Variants in CSMD1 observed in about 807,000 individuals in gnomAD.
CSMD1 encodes CUB and Sushi multiple domains 1.
In CSMD1, 213 loss-of-function variants were observed where a neutral mutation model predicts 417.5. That is an observed-to-expected ratio of 0.51 (90% CI 0.46 to 0.57). The LOEUF (loss-of-function observed/expected upper bound fraction) is 0.57. CSMD1 is among the 20% of genes least tolerant of loss of function. The probability of loss-of-function intolerance (pLI) is 0.00; values close to 1 mark genes in which losing one functional copy is unlikely to be tolerated. For synonymous variants in CSMD1, 2,862 were observed against 1,736.8 expected (o/e 1.65, Z -16.11); for missense variants, 6,923 against 4,529.7 (o/e 1.53, Z -15.17).
At chr8:3,056,086 A>C (rs929220429) in intron 49 of CSMD1, among the ~76,000 whole-genome samples, 2 of 152,202 alleles carry the variant, frequency 1.3e-5, no homozygotes, top group Non-Finnish European at 2.9e-5. Flanking sequence ...ATTTTTACTT[A>C]TTTATTTGCA....
intron 3 of CSMD1, among the ~76,000 whole-genome samples, chr8:4,128,092 G>C (rs1390198670): frequency 6.6e-6 from 1 of 152,140 alleles, no homozygotes; most frequent in Non-Finnish European, 1.5e-5. Flanking sequence ...TTCCTCAACA[G>C]TCTTCACATG....
chr8:4,749,389 G>C (rs1274893289), intron 1 of CSMD1, among the ~76,000 whole-genome samples: 1 of 152,216 alleles, frequency 6.6e-6, no homozygotes, highest in South Asian at 2.1e-4. Context: ...GTCCTTGATA[G>C]TGTAAACACT....
At chr8:3,224,117 C>G (rs1370721652) in intron 27 of CSMD1, among the ~76,000 whole-genome samples, 1 of 152,160 alleles carries the variant, frequency 6.6e-6, no homozygotes, top group African/African-American at 2.4e-5. Context: ...AATTTTCAAA[C>G]TTCTGACACA....
intron 3 of CSMD1, among the ~76,000 whole-genome samples, chr8:4,302,978 C>G (rs1332016676): frequency 6.6e-6 from 1 of 151,994 alleles, no homozygotes; most frequent in African/African-American, 2.4e-5. Flanking sequence ...AAGTTCAGCC[C>G]TCTGTATATC....
intron 1 of CSMD1, among the ~76,000 whole-genome samples, chr8:4,762,668 T>A: frequency 6.6e-6 from 1 of 152,068 alleles, no homozygotes; most frequent in South Asian, 2.1e-4. Context: ...GCTGTGTGGT[T>A]CTCTATCAAT....
At chr8:4,666,025 T>C (rs1804899139) in intron 1 of CSMD1, among the ~76,000 whole-genome samples, 1 of 151,848 alleles carries the variant, frequency 6.6e-6, no homozygotes, top group Non-Finnish European at 1.5e-5. Flanking sequence ...GTTGTTGTCA[T>C]TTTTTTTGTT....
rs750789091 is a variant in CSMD1, at chr8:3,108,682, C to G, written c.6675G>C (p.Ala2225=). 6.2e-7 allele frequency: 1 copy of G among 1,613,644 alleles called. No homozygotes were observed. Among genetic ancestry groups the G allele is most frequent in the Non-Finnish European group, 8.5e-7 (1 of 1,179,772 alleles). ...GCAGGACTTGGTTGGTGGAGCTATA[C>G]GCCGTTTCGAGGGCTGTGTTGCCAC... ...VFSGNTALET[A]YSSTNQVLLK... The change falls in exon 44 of 70, where the codon GCG becomes GCC. Residue 2225 remains alanine, a synonymous_variant. Coordinates refer to ENST00000635120, the MANE Select transcript of CSMD1 (RefSeq NM_033225.6).
At chr8:4,364,481 T>A (rs7813162) in intron 3 of CSMD1, among the ~76,000 whole-genome samples, 25 of 151,926 alleles carry the variant, frequency 1.6e-4, no homozygotes, top group Admixed American at 4.6e-4. Flanking sequence ...TACAATTTCC[T>A]CTCTTGCTTT....
chr8:4,428,676 A>C (rs976278757), intron 2 of CSMD1, among the ~76,000 whole-genome samples: 4 of 152,122 alleles, frequency 2.6e-5, no homozygotes, highest in African/African-American at 7.2e-5. Context: ...TGATAATGTC[A>C]TATTAATAAT....
chr8:4,993,038 G>A (rs1008585298), intron 1 of CSMD1, among the ~76,000 whole-genome samples: 10 of 152,196 alleles, frequency 6.6e-5, no homozygotes, highest in Non-Finnish European at 1.2e-4. Context: ...CCGCTCTCCA[G>A]GCAGATCTGG....
At chr8:4,720,631 G>C (rs1355241255) in intron 1 of CSMD1, among the ~76,000 whole-genome samples, 1 of 152,134 alleles carries the variant, frequency 6.6e-6, no homozygotes, top group African/African-American at 2.4e-5. Context: ...TGGCCAGGCT[G>C]CTCTCCTCTC....
intron 1 of CSMD1, among the ~76,000 whole-genome samples, chr8:4,948,332 T>C (rs79466671): frequency 6.6e-6 from 1 of 152,094 alleles, no homozygotes; most frequent in East Asian, 1.9e-4. Flanking sequence ...TTTTGAAGTG[T>C]CAATTCAAAA....
At chr8:3,311,441 G>C (rs945320727) in intron 23 of CSMD1, among the ~76,000 whole-genome samples, 11 of 150,332 alleles carry the variant, frequency 7.3e-5, no homozygotes, top group African/African-American at 1.3e-4. Flanking sequence ...GTAGAGTCAG[G>C]GTTTCACCAC....
chr8:3,842,414 T>C (rs140803167), intron 5 of CSMD1, among the ~76,000 whole-genome samples: 136 of 152,312 alleles, frequency 8.9e-4, no homozygotes, highest in African/African-American at 1.4e-3. Context: ...GCATGTCTTA[T>C]AGTCTCAAGA....
chr8:4,194,905 A>C (rs1469165944), intron 3 of CSMD1, among the ~76,000 whole-genome samples: 1 of 152,112 alleles, frequency 6.6e-6, no homozygotes, highest in Non-Finnish European at 1.5e-5. Flanking sequence ...TGTTAGTTCT[A>C]ATTTAATGGG....
intron 10 of CSMD1, among the ~76,000 whole-genome samples, chr8:3,513,437 C>T (rs971976189): frequency 2.0e-5 from 3 of 151,832 alleles, no homozygotes; most frequent in East Asian, 3.9e-4. Context: ...AGCATTCTCC[C>T]GACTCAGCCT....
At chr8:3,604,965 T>C (rs1226154040) in intron 8 of CSMD1, among the ~76,000 whole-genome samples, 1 of 152,196 alleles carries the variant, frequency 6.6e-6, no homozygotes, top group Non-Finnish European at 1.5e-5. Context: ...CATTTCTTCA[T>C]CATTTAAAAA....
At chr8:4,168,337 A>T (rs1183791478) in intron 3 of CSMD1, among the ~76,000 whole-genome samples, 1 of 152,022 alleles carries the variant, frequency 6.6e-6, no homozygotes, top group Admixed American at 6.6e-5. Flanking sequence ...TCAAGGCTAC[A>T]GTGATCCTTG....
intron 50 of CSMD1, among the ~76,000 whole-genome samples, chr8:3,042,816 G>A (rs1044366391): frequency 1.1e-4 from 16 of 151,932 alleles, no homozygotes; most frequent in Non-Finnish European, 2.2e-4. Flanking sequence ...TTTATAGGTC[G>A]TATAAACCTA....
Sources: allele counts gnomAD v4.1 joint callset (sites outside exome capture counted in the v4.1 genomes callset), GRCh38; gene constraint gnomAD v4.1.1; transcripts MANE v1.5; gene names NCBI Gene and HGNC (gene_info 2026-07-23, HGNC 2026-07-21).